The following BCOR variants were observed in gnomAD, a reference collection of about 807,000 sequenced individuals.
BCOR encodes BCL6 corepressor.
In BCOR, 10 loss-of-function variants were observed where a neutral mutation model predicts 86.7. The observed-to-expected ratio is 0.12, with a 90% CI of 0.07 to 0.20. The LOEUF (loss-of-function observed/expected upper bound fraction) is 0.20. Ranked by LOEUF, BCOR falls within the 10% of genes least tolerant of loss-of-function variation. The pLI is 1.00. For missense variants in BCOR, 1,259 were observed against 1,452.1 expected (o/e 0.87, Z 2.16); for synonymous variants, 611 against 609.0 (o/e 1.00, Z -0.05).
At chrX:40,126,096 G>T (rs1189723300) in intron 1 of BCOR, among the ~76,000 whole-genome samples, 1 of 107,498 alleles carries the variant, frequency 9.3e-6, no homozygotes, top group Non-Finnish European at 1.9e-5. Context: ...CGTGCCTGTA[G>T]TCCCAGCTAC....
intron 9 of BCOR, 38 bp downstream of exon 9, chrX:40,062,708 C>T (rs779548577): frequency 1.0e-5 from 12 of 1,156,724 alleles, no homozygotes; most frequent in African/African-American, 7.2e-5. Flanking sequence ...GGGATGTGTT[C>T]GCACAGGCCC....
chrX:40,079,348 G>C (rs1935970130), intron 1 of BCOR, among the ~76,000 whole-genome samples: 1 of 112,454 alleles, frequency 8.9e-6, no homozygotes, highest in Non-Finnish European at 1.9e-5. Context: ...TGGGTTGGAG[G>C]CACCAGGTCC....
chrX:40,117,920 G>T (rs1005850688), intron 1 of BCOR, among the ~76,000 whole-genome samples: 1 of 109,697 alleles, frequency 9.1e-6, no homozygotes, highest in Non-Finnish European at 1.9e-5. Context: ...ACTACTATTC[G>T]AGAGATAGTT....
At chrX:40,173,020 G>A (rs1342168898) in intron 1 of BCOR, among the ~76,000 whole-genome samples, 1 of 112,731 alleles carries the variant, frequency 8.9e-6, no homozygotes, top group African/African-American at 3.2e-5. Context: ...AGATGCCTCT[G>A]TACGACTCTC....
rs1475742326 is a variant in BCOR, at chrX:40,097,831, G to T, written c.-657C>A. Among the ~76,000 whole-genome samples the T allele has an allele frequency of 9.3e-6, 1 of 107,459 alleles. No homozygotes were observed. Among genetic ancestry groups the T allele is most frequent in the East Asian group, 3.0e-4 (1 of 3,304 alleles). The allele number at this position is 107,459 out of a possible 115,157, so 93.3% of individuals were successfully genotyped here. ...GGCTCCCCCTCCGCCGCCGCCGCCC[G>T]CCTAGCTCCCGCTCTCGGTCGCGGT... On this transcript the variant is annotated 5_prime_UTR_variant, in exon 1 of 15. Coordinates refer to ENST00000378444, the MANE Select transcript of BCOR (RefSeq NM_001123385.2).
At chrX:40,138,777 A>C (rs939412276) in intron 1 of BCOR, among the ~76,000 whole-genome samples, 1 of 108,227 alleles carries the variant, frequency 9.2e-6, no homozygotes, top group Non-Finnish European at 1.9e-5. Context: ...CTGCTGTTGA[A>C]CTCCTTACCT....
At chrX:40,103,123 T>C (rs769361972) in intron 1 of BCOR, among the ~76,000 whole-genome samples, 108 of 109,861 alleles carry the variant, frequency 9.8e-4, no homozygotes, top group Non-Finnish European at 1.8e-3. Context: ...CAGGGTGGTT[T>C]GTGTGGTGCG....
rs2147004767 is a variant in BCOR, at chrX:40,062,238, G to A, written c.4329C>T (p.Thr1443=). The change falls in exon 10 of 15, where the codon ACC becomes ACT. Residue 1443 remains threonine, a synonymous_variant. Transcript: ENST00000378444. ...QLPCSSSPQE[T]TQSRPMPPEA... ...CCGGCGGCATAGGGCGAGACTGGGT[G>A]GTCTCCTGAGGGGAACTTGAGCATG... 3.3e-6 allele frequency: 4 copies of A among 1,211,073 alleles called. No homozygotes were observed. The highest frequency in any genetic ancestry group is 4.5e-6 in the Non-Finnish European group (4 of 895,211).
At chrX:40,159,514 T>A (rs1483442495) in intron 1 of BCOR, among the ~76,000 whole-genome samples, 1 of 103,009 alleles carries the variant, frequency 9.7e-6, no homozygotes, top group Non-Finnish European at 2.0e-5. Flanking sequence ...GCCCGGCTAA[T>A]TTTTTTTTTG....
chrX:40,121,593 G>A (rs954738924), intron 1 of BCOR, among the ~76,000 whole-genome samples: 3 of 113,230 alleles, frequency 2.6e-5, no homozygotes, highest in African/African-American at 9.6e-5. Flanking sequence ...ATGGGAGATG[G>A]ACCATAAACA....
At chrX:40,060,562 A>C (rs2146969108) in intron 10 of BCOR, among the ~76,000 whole-genome samples, 1 of 112,224 alleles carries the variant, frequency 8.9e-6, no homozygotes, top group South Asian at 3.7e-4. Context: ...ATGGCCGGCA[A>C]GTTTGCTGCC....
chrX:40,052,849 C>T (rs1934394399), intron 14 of BCOR, among the ~76,000 whole-genome samples: 1 of 111,697 alleles, frequency 9.0e-6, no homozygotes, highest in Non-Finnish European at 1.9e-5. Context: ...CGGATGTGAG[C>T]CACCGTGCCC....
At position 40,129,467 on chromosome X, in the gene BCOR, T is replaced by C. The variant is rs977020671; in HGVS notation, c.-41+47540A>G. On this transcript the variant is annotated intron_variant, in intron 1 of 14. Transcript: ENST00000342274. The stretch of plus-strand genomic sequence containing the variant: ...TCACTGCACTCCAGCCTGGCGACAG[T>C]GAGACTCCGTCTCAAAAAAAAAAAA... Among the ~76,000 whole-genome samples, 139 of 96,372 alleles carry C rather than the reference T, an allele frequency of 1.4e-3. 1 individual carries two copies. Among genetic ancestry groups the C allele is most frequent in the African/African-American group, 5.6e-3 (127 of 22,590 alleles). 83.7% of individuals were successfully genotyped at this position (96,372 alleles called of 115,157 possible).
upstream of BCOR, among the ~76,000 whole-genome samples, chrX:40,101,856 A>C (rs1937080088): frequency 8.9e-6 from 1 of 112,983 alleles, no homozygotes; most frequent in African/African-American, 3.2e-5. Context: ...GTACTGGAAC[A>C]GGTGGGACTC....
At chrX:40,067,896 T>C (rs999215295) in intron 6 of BCOR, 1 of 111,875 alleles carries the variant, frequency 8.9e-6, no homozygotes, top group Non-Finnish European at 1.9e-5. Flanking sequence ...CCACAGAAAT[T>C]ACTCTTGAGG....
upstream of BCOR, among the ~76,000 whole-genome samples, chrX:40,100,710 AAAG>A (rs1326793187): frequency 9.1e-6 from 1 of 109,734 alleles, no homozygotes; most frequent in Non-Finnish European, 1.9e-5. Context: ...AAAAAAAAAA[AAAG>A]AAAAGAAAAA....
chrX:40,113,246 T>TA (rs1379124950), intron 1 of BCOR, among the ~76,000 whole-genome samples: 88 of 104,283 alleles, frequency 8.4e-4, no homozygotes, highest in East Asian at 4.7e-3. Context: ...CATCTCCACT[T>TA]AAAAAAAAAG....
At chrX:40,052,645 A>G (rs773794686) in intron 14 of BCOR, among the ~76,000 whole-genome samples, 63 of 99,879 alleles carry the variant, frequency 6.3e-4, no homozygotes, top group African/African-American at 2.3e-3. Context: ...GCTCACTGCA[A>G]GTTCCACCTC....
intron 1 of BCOR, among the ~76,000 whole-genome samples, chrX:40,145,082 A>C (rs866238580): frequency 9.3e-6 from 1 of 107,790 alleles, no homozygotes; most frequent in African/African-American, 3.4e-5. Flanking sequence ...GAGACAAACA[A>C]GCGAGAAGGG....
Sources: allele counts gnomAD v4.1 joint callset (sites outside exome capture counted in the v4.1 genomes callset), GRCh38; gene constraint gnomAD v4.1.1; transcripts MANE v1.5; gene names NCBI Gene and HGNC (gene_info 2026-07-23, HGNC 2026-07-21).